Variants in LYRM7 observed in about 807,000 individuals in gnomAD.
LYRM7 encodes the protein complex III assembly factor LYRM7.
LYRM7 carries 9 observed loss-of-function variants against 15.8 expected under a neutral mutation model. That is an observed-to-expected ratio of 0.57 (90% CI 0.34 to 0.99). The LOEUF is 0.99. LYRM7 is among the 50% of genes least tolerant of loss of function. The pLI is 0.02. For synonymous variants in LYRM7, 39 were observed against 39.4 expected (o/e 0.99, Z 0.04); for missense variants, 115 against 119.1 (o/e 0.97, Z 0.16).
At chr5:131,189,031 C>T (rs1755841376) in intron 4 of LYRM7, among the ~76,000 whole-genome samples, 1 of 151,810 alleles carries the variant, frequency 6.6e-6, no homozygotes, top group Non-Finnish European at 1.5e-5. Context: ...CCTGTAATTC[C>T]AGCTACTCAG....
At chr5:131,179,343 A>G (rs944651925) in intron 1 of LYRM7, among the ~76,000 whole-genome samples, 2 of 152,122 alleles carry the variant, frequency 1.3e-5, no homozygotes, top group African/African-American at 2.4e-5. Context: ...AAAATAGTCT[A>G]TGAAACAAAC....
Position 131,202,679 on chromosome 5 carries a change from A to G in LYRM7, c.*3078A>G, listed in dbSNP as rs1015912644. 1 of 152,174 alleles carries G rather than the reference A, an allele frequency of 6.6e-6. No homozygotes were observed. The highest frequency in any genetic ancestry group is 1.5e-5 in the Non-Finnish European group (1 of 68,030). 9.4% of individuals were successfully genotyped at this position (152,174 alleles called of 1,614,324 possible). ...GGTGCATACCACCATAACCAGCTTT[A>G]ATTAAATGTTTTTTATTTGGTTATT... On this transcript the variant is annotated 3_prime_UTR_variant, in exon 5 of 5. Transcript: ENST00000379380.
rs1434677577 is a variant in LYRM7 at position 131,181,377 on chromosome 5, A to G, written c.92-852A>G. Among the ~76,000 whole-genome samples the G allele has an allele frequency of 2.8e-3, 260 of 92,092 alleles. 3 individuals are homozygous for G. The highest frequency in any genetic ancestry group is 8.7e-3 in the East Asian group (36 of 4,140). 60.4% of individuals were successfully genotyped at this position (92,092 alleles called of 152,430 possible). ...TATATATATTAACATATATATGTAT[A>G]TATAATATATACATATATATTATAT... On this transcript the variant is annotated intron_variant, in intron 2 of 4. Transcript: ENST00000379380.
At chr5:131,199,229 A>C (rs1756019209) in intron 4 of LYRM7, among the ~76,000 whole-genome samples, 1 of 152,238 alleles carries the variant, frequency 6.6e-6, no homozygotes, top group African/African-American at 2.4e-5. Flanking sequence ...AGTAATTGGT[A>C]ATTAAATGAC....
intron 4 of LYRM7, among the ~76,000 whole-genome samples, chr5:131,195,487 G>A (rs1032619476): frequency 6.6e-6 from 1 of 152,150 alleles, no homozygotes; most frequent in African/African-American, 2.4e-5. Flanking sequence ...GCCAGTACAA[G>A]CAGGGAAATT....
intron 1 of LYRM7, among the ~76,000 whole-genome samples, chr5:131,178,378 C>T (rs1441734019): frequency 6.6e-6 from 1 of 152,058 alleles, no homozygotes; most frequent in Non-Finnish European, 1.5e-5. Context: ...CTAAAGTTTC[C>T]ACGACAAGAG....
intron 1 of LYRM7, among the ~76,000 whole-genome samples, chr5:131,177,461 T>C (rs1036515699): frequency 4.6e-5 from 7 of 152,216 alleles, no homozygotes; most frequent in Non-Finnish European, 8.8e-5. Flanking sequence ...TCTGAAAATA[T>C]GTATTTGCCC....
At chr5:131,186,971 G>T in intron 3 of LYRM7, 57 bp from the exon 4 acceptor site, 1 of 956,962 alleles carries the variant, frequency 1.0e-6, no homozygotes, top group Non-Finnish European at 1.6e-6. Context: ...TTCAAAAACA[G>T]TACATTCATA....
chr5:131,176,792 C>G (rs1215392890), intron 1 of LYRM7, among the ~76,000 whole-genome samples: 2 of 152,102 alleles, frequency 1.3e-5, no homozygotes, highest in Non-Finnish European at 2.9e-5. Context: ...TGCTTAGCAC[C>G]TACTTATAAG....
At chr5:131,193,890 T>G (rs1755923563) in intron 4 of LYRM7, among the ~76,000 whole-genome samples, 2 of 151,964 alleles carry the variant, frequency 1.3e-5, no homozygotes, top group South Asian at 4.2e-4. Flanking sequence ...ATGCTTGTAG[T>G]CCCAGCTACT....
rs564825434 is a variant in LYRM7 at position 131,184,037 on chromosome 5, C to T, written c.162+1738C>T. ...CCAGGCTGGAGTGCAGTGGCATGAT[C>T]CCAGGTCACTGCAACCTCCACCTCT... On this transcript the variant is annotated intron_variant, in intron 3 of 4. Coordinates refer to ENST00000379380, the MANE Select transcript of LYRM7 (RefSeq NM_181705.4). Among the ~76,000 whole-genome samples the T allele has an allele frequency of 3.3e-5, 5 of 151,562 alleles. No homozygotes were observed. The South Asian group carries it at 1.0e-3, about 32-fold the overall frequency.
intron 4 of LYRM7, 128 bp from the exon 5 acceptor site, chr5:131,199,403 A>G: frequency 1.7e-6 from 1 of 588,942 alleles, no homozygotes; most frequent in East Asian, 3.0e-5. Flanking sequence ...CTGAAATAAA[A>G]TATCCCTGGA....
At chr5:131,182,425 G>C (rs1207616452) in intron 3 of LYRM7, 126 bp downstream of exon 3, 1 of 915,340 alleles carries the variant, frequency 1.1e-6, no homozygotes, top group Non-Finnish European at 1.5e-6. Context: ...CACAACTGTA[G>C]ATAACCTTCA....
chr5:131,194,060 A>C (rs568172344), intron 4 of LYRM7, among the ~76,000 whole-genome samples: 1 of 152,176 alleles, frequency 6.6e-6, no homozygotes, highest in Non-Finnish European at 1.5e-5. Flanking sequence ...TGACCAGAGT[A>C]GATAAGGCGT....
At chr5:131,173,542 G>A (rs1337183989) in intron 1 of LYRM7, among the ~76,000 whole-genome samples, 2 of 152,088 alleles carry the variant, frequency 1.3e-5, no homozygotes, top group Admixed American at 6.6e-5. Flanking sequence ...TCAAGAGTTC[G>A]AGACCCATCT....
In LYRM7 at chr5:131,200,737, A is replaced by G. The variant is rs1756048218; in HGVS notation, c.*1136A>G. 6.6e-6 allele frequency: 1 copy of G among 152,348 alleles called. No individual in the cohort carries two copies. The highest frequency in any genetic ancestry group is 6.5e-5 in the Admixed American group (1 of 15,280). 9.4% of individuals were successfully genotyped at this position (152,348 alleles called of 1,614,324 possible). ...AGAGAATGCTGAATGTCATCGCAGTATATAATCACTATATAAATGTGCTGA... is the reference window on the plus strand; with the variant it reads ...AGAGAATGCTGAATGTCATCGCAGTGTATAATCACTATATAAATGTGCTGA... On this transcript the variant is annotated 3_prime_UTR_variant, in exon 5 of 5. Transcript: ENST00000379380.
At chr5:131,198,343 A>G (rs769566068) in intron 4 of LYRM7, among the ~76,000 whole-genome samples, 1 of 152,160 alleles carries the variant, frequency 6.6e-6, no homozygotes, top group Non-Finnish European at 1.5e-5. Context: ...CCAGTATCCT[A>G]TTGGGGATCA....
intron 1 of LYRM7, among the ~76,000 whole-genome samples, chr5:131,175,569 C>G (rs1042096609): frequency 1.3e-5 from 2 of 151,616 alleles, no homozygotes; most frequent in Non-Finnish European, 2.9e-5. Flanking sequence ...GGGTCTCACT[C>G]TGTCACCCAG....
At chr5:131,194,194 G>A (rs1755929586) in intron 4 of LYRM7, among the ~76,000 whole-genome samples, 1 of 152,072 alleles carries the variant, frequency 6.6e-6, no homozygotes, top group Non-Finnish European at 1.5e-5. Flanking sequence ...AGCAAAGTCA[G>A]GGATTTTACA....
Sources: allele counts gnomAD v4.1 joint callset (sites outside exome capture counted in the v4.1 genomes callset), GRCh38; gene constraint gnomAD v4.1.1; transcripts MANE v1.5; gene names NCBI Gene and HGNC (gene_info 2026-07-23, HGNC 2026-07-21).